PTPRO: variants seen among roughly 807,000 people sequenced by gnomAD.
PTPRO encodes receptor-type tyrosine-protein phosphatase O.
A neutral mutation model predicts 145.2 loss-of-function variants in PTPRO; 62 were observed. The ratio of observed to expected loss-of-function variants is 0.43; its 90% CI spans 0.35 to 0.53. The LOEUF is 0.53. Ranked by LOEUF, PTPRO falls within the 20% of genes least tolerant of loss-of-function variation. The pLI, the probability that PTPRO is intolerant of heterozygous loss-of-function variation, is 0.01. For missense variants in PTPRO, 1,345 were observed against 1,482.7 expected (o/e 0.91, Z 1.53); for synonymous variants, 565 against 514.7 (o/e 1.10, Z -1.32).
intron 2 of PTPRO, 95 bp from the exon 3 acceptor site, chr12:15,497,150 T>C: frequency 8.6e-7 from 1 of 1,161,046 alleles, no homozygotes; most frequent in Non-Finnish European, 1.3e-6. Context: ...TGCGTGAATT[T>C]CTGGTAGGTG....
At chr12:15,539,891 G>C (rs1943146674) in intron 12 of PTPRO, among the ~76,000 whole-genome samples, 1 of 144,924 alleles carries the variant, frequency 6.9e-6, no homozygotes, top group Non-Finnish European at 1.5e-5. Context: ...AATTTAATGT[G>C]TTTTCAGGTG....
chr12:15,472,882 C>G (rs1037483953), intron 1 of PTPRO, among the ~76,000 whole-genome samples: 15 of 152,170 alleles, frequency 9.9e-5, no homozygotes, highest in African/African-American at 3.6e-4. Context: ...GCTCTGCATT[C>G]ATACATACTG....
chr12:15,331,606 G>A (rs1265065893), intron 1 of PTPRO, among the ~76,000 whole-genome samples: 1 of 152,158 alleles, frequency 6.6e-6, no homozygotes, highest in Non-Finnish European at 1.5e-5. Flanking sequence ...TTAATGTTAT[G>A]TATAACAATA....
chr12:15,522,923 C>T (rs1366974711), intron 10 of PTPRO, among the ~76,000 whole-genome samples: 1 of 152,102 alleles, frequency 6.6e-6, no homozygotes, highest in Non-Finnish European at 1.5e-5. Flanking sequence ...TGAGAAAATA[C>T]CCTTTGAAGA....
chr12:15,431,642 A>T (rs1208997807), intron 1 of PTPRO, among the ~76,000 whole-genome samples: 1 of 152,194 alleles, frequency 6.6e-6, no homozygotes, highest in Non-Finnish European at 1.5e-5. Flanking sequence ...AAATGAAAAC[A>T]TAAGAAATTC....
intron 1 of PTPRO, among the ~76,000 whole-genome samples, chr12:15,483,348 G>T (rs756531879): frequency 1.3e-5 from 2 of 152,048 alleles, no homozygotes; most frequent in Non-Finnish European, 2.9e-5. Flanking sequence ...TCCATCAACC[G>T]CTGATCCCCT....
chr12:15,520,937 C>T (rs1245631010), intron 10 of PTPRO, among the ~76,000 whole-genome samples: 1 of 151,990 alleles, frequency 6.6e-6, no homozygotes, highest in Non-Finnish European at 1.5e-5. Context: ...GCAAAATACA[C>T]GACACAAAGT....
At chr12:15,578,273 A>G (rs1944230932) in intron 19 of PTPRO, among the ~76,000 whole-genome samples, 1 of 152,202 alleles carries the variant, frequency 6.6e-6, no homozygotes, top group African/African-American at 2.4e-5. Context: ...CAAATTGCAT[A>G]AACTTAAGTT....
At chr12:15,426,995 A>G (rs1050272638) in intron 1 of PTPRO, among the ~76,000 whole-genome samples, 4 of 152,016 alleles carry the variant, frequency 2.6e-5, no homozygotes, top group African/African-American at 4.8e-5. Flanking sequence ...ATATTTTTCA[A>G]TTACTTCTTT....
intron 1 of PTPRO, among the ~76,000 whole-genome samples, chr12:15,482,257 A>G (rs1941794507): frequency 6.6e-6 from 1 of 152,078 alleles, no homozygotes; most frequent in Admixed American, 6.6e-5. Context: ...ATGAACCTGA[A>G]GGACATTATA....
intron 1 of PTPRO, among the ~76,000 whole-genome samples, chr12:15,414,186 C>T (rs76055953): frequency 0.013 from 1,928 of 152,340 alleles, 21 homozygotes; most frequent in Non-Finnish European, 0.019. Context: ...TTAGAAAGGT[C>T]TCCTGTTTGC....
intron 10 of PTPRO, among the ~76,000 whole-genome samples, chr12:15,522,213 T>A (rs7958319): frequency 0.43 from 65,628 of 151,108 alleles, 14,847 homozygotes; most frequent in African/African-American, 0.54. Context: ...TTTCTAAACA[T>A]ATTGAAAATT....
chr12:15,398,650 C>A (rs532558981), intron 1 of PTPRO, among the ~76,000 whole-genome samples: 1 of 151,834 alleles, frequency 6.6e-6, no homozygotes, highest in Non-Finnish European at 1.5e-5. Context: ...AATATCTGTT[C>A]GGTTTCAACA....
chr12:15,589,726 A>C, intron 25 of PTPRO, 136 bp downstream of exon 25: 1 of 1,107,574 alleles, frequency 9.0e-7, no homozygotes, highest in South Asian at 1.4e-5. Flanking sequence ...GTATATGTTC[A>C]AACTGCTTTG....
At chr12:15,399,984 G>A (rs1295373280) in intron 1 of PTPRO, among the ~76,000 whole-genome samples, 5 of 148,548 alleles carry the variant, frequency 3.4e-5, no homozygotes, top group African/African-American at 7.4e-5. Context: ...CCAGGAGGTG[G>A]AGGTTGCAGT....
rs777581864 is a variant in PTPRO at position 15,586,915 on chromosome 12, G to A, written c.3274G>A (p.Val1092Met). The A allele has an allele frequency of 3.1e-6, 5 of 1,614,066 alleles. No individual in the cohort carries two copies. The highest frequency in any genetic ancestry group is 1.1e-5 in the South Asian group (1 of 91,074). ...RINYADEMQD[V>M]MHFNYTAWPD... ...TCTAAAGGCTGACGAGATGCAGGAT[G>A]TGATGCATTTTAACTACACTGCATG... Residue 1092 changes from valine (V) to methionine (M), a missense_variant, in exon 24 of 27, where the codon GTG becomes ATG. Val to Met is a conservative substitution (Grantham distance 21). Transcript: ENST00000281171.
In PTPRO at chr12:15,419,283, T is replaced by C. The variant is rs577939770; in HGVS notation, c.76-64691T>C. Among the ~76,000 whole-genome samples, 18 of 151,204 alleles carry C rather than the reference T, an allele frequency of 1.2e-4. No individual in the cohort carries two copies. In the South Asian group the frequency reaches 1.7e-3, roughly 14 times the overall value. On this transcript the variant is annotated intron_variant, in intron 1 of 26. Transcript: ENST00000281171. ...TTTGGGGGCGGGGGAGGGGGGCTAA[T>C]TGATGTGATCTAATTTTTCAGACTC...
chr12:15,508,834 A>G (rs573535730), intron 7 of PTPRO, 67 bp downstream of exon 7: 1 of 1,520,712 alleles, frequency 6.6e-7, no homozygotes, highest in South Asian at 1.1e-5. Flanking sequence ...GGGCAATGCC[A>G]AGGAGGCAAT....
intron 6 of PTPRO, among the ~76,000 whole-genome samples, chr12:15,505,043 C>A (rs571335670): frequency 1.3e-5 from 2 of 152,126 alleles, no homozygotes; most frequent in Non-Finnish European, 2.9e-5. Flanking sequence ...GTGTGAGAGA[C>A]CTTGGACATG....
Sources: gnomAD v4.1 joint callset for allele counts (sites outside exome capture counted in the v4.1 genomes callset) on GRCh38, gnomAD v4.1.1 for gene constraint, MANE v1.5 for transcripts, NCBI Gene and HGNC (gene_info 2026-07-23, HGNC 2026-07-21) for gene names.